Variants in ADGRL3 observed in about 807,000 individuals in gnomAD.
ADGRL3 encodes calcium-independent alpha-latrotoxin receptor 3.
In ADGRL3, 62 loss-of-function variants were observed where a neutral mutation model predicts 153.5. The observed-to-expected ratio is 0.40, with a 90% CI of 0.33 to 0.50. ADGRL3 has a LOEUF of 0.50. Ranked by LOEUF, ADGRL3 falls within the 20% of genes least tolerant of loss-of-function variation. The probability of loss-of-function intolerance (pLI) is 0.47; values close to 1 mark genes in which losing one functional copy is unlikely to be tolerated. For missense variants in ADGRL3, 1,641 were observed against 1,859.4 expected, an observed-to-expected ratio of 0.88 and a Z score of 2.16; for synonymous variants, 710 against 672.5, an observed-to-expected ratio of 1.06 and a Z score of -0.86.
At chr4:61,559,917 ACT>A (rs2098787345) in intron 4 of ADGRL3, among the ~76,000 whole-genome samples, 1 of 152,066 alleles carries the variant, frequency 6.6e-6, no homozygotes, top group South Asian at 2.1e-4. Flanking sequence ...CCCAGAACAT[ACT>A]GTTTATTTAT....
At chr4:61,337,672 T>A (rs2095707825) in intron 1 of ADGRL3, among the ~76,000 whole-genome samples, 1 of 152,232 alleles carries the variant, frequency 6.6e-6, no homozygotes, top group Admixed American at 6.5e-5. Context: ...TTAAAATTTA[T>A]TGAGCACTTG....
At chr4:61,620,491 G>A (rs552258456) in intron 5 of ADGRL3, among the ~76,000 whole-genome samples, 34 of 152,170 alleles carry the variant, frequency 2.2e-4, no homozygotes, top group African/African-American at 7.9e-4. Context: ...GTCAGACTCC[G>A]AAAGAAGCCT....
At chr4:61,854,375 A>G (rs2098240317) in intron 9 of ADGRL3, among the ~76,000 whole-genome samples, 1 of 152,206 alleles carries the variant, frequency 6.6e-6, no homozygotes, top group Admixed American at 6.5e-5. Flanking sequence ...TTGTAGCACC[A>G]AAAGTAAGGA....
chr4:61,981,535 G>T (rs1423785545), intron 18 of ADGRL3, among the ~76,000 whole-genome samples: 1 of 146,190 alleles, frequency 6.8e-6, no homozygotes, highest in Non-Finnish European at 1.5e-5. Context: ...AAAAGGGAAA[G>T]AAAAGAAAAA....
chr4:61,248,848 G>A (rs1436319965), intron 1 of ADGRL3, among the ~76,000 whole-genome samples: 1 of 152,116 alleles, frequency 6.6e-6, no homozygotes. Flanking sequence ...ATCTGCTTTA[G>A]GAGAGAGCTT....
chr4:61,539,946 C>T (rs1300182521), intron 4 of ADGRL3, among the ~76,000 whole-genome samples: 1 of 152,100 alleles, frequency 6.6e-6, no homozygotes, highest in Non-Finnish European at 1.5e-5. Flanking sequence ...CCTCAGCTTT[C>T]CATTCAAATC....
At chr4:61,608,548 G>A (rs1373778379) in intron 5 of ADGRL3, among the ~76,000 whole-genome samples, 1 of 152,098 alleles carries the variant, frequency 6.6e-6, no homozygotes, top group Non-Finnish European at 1.5e-5. Flanking sequence ...ATGTATTATA[G>A]TTTGTTACTT....
chr4:61,764,824 TA>T (rs1162551204), intron 8 of ADGRL3, among the ~76,000 whole-genome samples: 1 of 151,626 alleles, frequency 6.6e-6, no homozygotes, highest in Non-Finnish European at 1.5e-5. Context: ...CAAGCGGGAT[TA>T]GGGGCGGCGT....
At chr4:61,909,493 T>C (rs2098711989) in intron 11 of ADGRL3, 67 bp from the exon 12 acceptor site, 2 of 1,091,232 alleles carry the variant, frequency 1.8e-6, no homozygotes, top group Admixed American at 2.4e-5. Context: ...AACATGATCG[T>C]TGAAAGAAAG....
At chr4:61,524,753 C>A (rs2098549952) in intron 4 of ADGRL3, among the ~76,000 whole-genome samples, 1 of 152,050 alleles carries the variant, frequency 6.6e-6, no homozygotes, top group East Asian at 1.9e-4. Context: ...GCTGTTTATC[C>A]CTTTTTTTGA....
intron 25 of ADGRL3, among the ~76,000 whole-genome samples, chr4:62,055,017 G>A (rs2151801118): frequency 1.3e-5 from 2 of 151,830 alleles, no homozygotes; most frequent in Middle Eastern, 6.8e-3. Flanking sequence ...ATGGGAAAGT[G>A]AATTGTATAA....
At chr4:61,511,266 C>T (rs759198814) in intron 3 of ADGRL3, among the ~76,000 whole-genome samples, 1 of 152,016 alleles carries the variant, frequency 6.6e-6, no homozygotes, top group African/African-American at 2.4e-5. Context: ...CTACTCGGGA[C>T]GTTGCAGTAG....
rs193044317 is a variant in ADGRL3 at position 61,402,596 on chromosome 4, A to T, written c.-174+19407A>T. 2.0e-5 allele frequency among the ~76,000 whole-genome samples: 3 copies of T among 152,184 alleles called. No homozygotes were observed. In the East Asian group the frequency reaches 5.8e-4, roughly 30 times the overall value. On this transcript the variant is annotated intron_variant, in intron 2 of 26. Coordinates refer to ENST00000683033, the MANE Select transcript of ADGRL3 (RefSeq NM_001387552.1). The stretch of plus-strand genomic sequence containing the variant: ...TTATAGTGTGGAATAATACACCAGA[A>T]TCTCTTTCCCTTTGCATGCTTTGCT...
intron 5 of ADGRL3, among the ~76,000 whole-genome samples, chr4:61,656,365 G>T (rs1357899485): frequency 6.6e-6 from 1 of 152,024 alleles, no homozygotes; most frequent in South Asian, 2.1e-4. Context: ...TTTTTTGTGG[G>T]GGGGGTGAAA....
chr4:61,210,964 A>G (rs930975101), intron 1 of ADGRL3, among the ~76,000 whole-genome samples: 2 of 152,124 alleles, frequency 1.3e-5, no homozygotes, highest in Non-Finnish European at 2.9e-5. Context: ...ATTATATACA[A>G]TCATCTTTTG....
intron 11 of ADGRL3, among the ~76,000 whole-genome samples, chr4:61,907,946 A>G (rs934098766): frequency 6.6e-6 from 1 of 152,118 alleles, no homozygotes; most frequent in Non-Finnish European, 1.5e-5. Context: ...CCTCACTCAA[A>G]ATGGAGTTAC....
chr4:61,433,368 A>G (rs76055561), intron 2 of ADGRL3, among the ~76,000 whole-genome samples: 1 of 132,716 alleles, frequency 7.5e-6, no homozygotes, highest in Non-Finnish European at 1.7e-5. Flanking sequence ...TTTTTTTTAA[A>G]AAAAAATCAG....
intron 2 of ADGRL3, among the ~76,000 whole-genome samples, chr4:61,395,714 A>G (rs1262327074): frequency 1.3e-5 from 2 of 152,012 alleles, no homozygotes; most frequent in East Asian, 1.9e-4. Flanking sequence ...AAAATAGCCA[A>G]TTATAACCCA....
chr4:62,057,826 C>G (rs891693625), intron 25 of ADGRL3, among the ~76,000 whole-genome samples: 3 of 152,046 alleles, frequency 2.0e-5, no homozygotes, highest in African/African-American at 4.8e-5. Context: ...TACAGGCACA[C>G]TCCGCCACGC....
Sources: allele counts gnomAD v4.1 joint callset (sites outside exome capture counted in the v4.1 genomes callset), GRCh38; gene constraint gnomAD v4.1.1; transcripts MANE v1.5; gene names NCBI Gene and HGNC (gene_info 2026-07-23, HGNC 2026-07-21).